Variants in CORO1C observed in about 807,000 individuals in gnomAD.
CORO1C encodes coronin 1C, also known as coronin-1C.
CORO1C carries 14 observed loss-of-function variants against 51.2 expected under a neutral mutation model. That is an observed-to-expected ratio of 0.27 (90% confidence interval 0.18 to 0.43). The LOEUF (loss-of-function observed/expected upper bound fraction) is 0.43. Ranked by LOEUF, CORO1C falls within the 20% of genes least tolerant of loss-of-function variation. CORO1C has a pLI of 1.00. For synonymous variants in CORO1C, 181 were observed against 210.5 expected (o/e 0.86, Z 1.21); for missense variants, 417 against 607.8 (o/e 0.69, Z 3.30).
At chr12:108,728,835 A>G (rs1421262629) in intron 1 of CORO1C, among the ~76,000 whole-genome samples, 1 of 152,242 alleles carries the variant, frequency 6.6e-6, no homozygotes, top group Admixed American at 6.5e-5. Context: ...AAGACATACA[A>G]GTGTCAGAAA....
At chr12:108,669,373 A>G (rs2033623144) in intron 3 of CORO1C, among the ~76,000 whole-genome samples, 2 of 152,324 alleles carry the variant, frequency 1.3e-5, no homozygotes, top group Admixed American at 1.3e-4. Flanking sequence ...GCTGCTAGGA[A>G]TCCACTATAG....
intron 7 of CORO1C, among the ~76,000 whole-genome samples, chr12:108,653,471 C>T (rs922343494): frequency 2.0e-5 from 3 of 152,122 alleles, no homozygotes; most frequent in Non-Finnish European, 4.4e-5. Context: ...AGCTTTACCA[C>T]CCAGTGAAGG....
At chr12:108,678,690 T>C (rs2033997842) in intron 2 of CORO1C, among the ~76,000 whole-genome samples, 1 of 146,020 alleles carries the variant, frequency 6.8e-6, no homozygotes, top group African/African-American at 2.5e-5. Flanking sequence ...AATAGCCAAA[T>C]TGTAAATTAA....
intron 2 of CORO1C, 127 bp downstream of exon 2, chr12:108,700,997 T>C (rs1394781037): frequency 1.9e-6 from 2 of 1,071,766 alleles, no homozygotes; most frequent in South Asian, 1.4e-5. Context: ...GTGTGGAACT[T>C]AACTTCAATT....
rs529747139 is a variant in CORO1C, at chr12:108,657,620, T to G, written c.631-197A>C. Among the ~76,000 whole-genome samples, 46 of 152,330 alleles carry G rather than the reference T, an allele frequency of 3.0e-4. 1 individual carries two copies. The highest frequency in any genetic ancestry group is 1.8e-3 in the Admixed American group (27 of 15,296). On this transcript the variant is annotated intron_variant, in intron 5 of 10. Transcript: ENST00000261401. ...ATGTGATCTGGTCAAGGTCCCTCTG[T>G]GAGGCTGCAAGAATGCCAGGATTTA...
intron 2 of CORO1C, among the ~76,000 whole-genome samples, chr12:108,682,023 AAGAG>A (rs893716086): frequency 6.6e-6 from 1 of 152,004 alleles, no homozygotes; most frequent in Non-Finnish European, 1.5e-5. Context: ...ACTAAAAGGA[AAGAG>A]AGAGAATGTA....
chr12:108,682,946 T>G (rs1463423015), intron 2 of CORO1C, among the ~76,000 whole-genome samples: 3 of 152,140 alleles, frequency 2.0e-5, no homozygotes, highest in Non-Finnish European at 2.9e-5. Context: ...GATAACAGAA[T>G]GAAAGTTAAA....
At chr12:108,708,648 G>C (rs538273561) in intron 1 of CORO1C, among the ~76,000 whole-genome samples, 21 of 152,206 alleles carry the variant, frequency 1.4e-4, no homozygotes, top group African/African-American at 4.6e-4. Context: ...TTTTAGTAGA[G>C]ACAGGGTTTC....
chr12:108,652,664 A>G (rs538820581), intron 7 of CORO1C, among the ~76,000 whole-genome samples: 1 of 152,320 alleles, frequency 6.6e-6, no homozygotes, highest in African/African-American at 2.4e-5. Context: ...TCCTGGCTCT[A>G]ATTTTACTCC....
intron 3 of CORO1C, among the ~76,000 whole-genome samples, chr12:108,674,406 G>A (rs545821090): frequency 7.2e-5 from 11 of 152,144 alleles, no homozygotes; most frequent in Admixed American, 7.2e-4. Flanking sequence ...AAATTAGCCG[G>A]GCATGGTGGC....
At chr12:108,657,204 T>C in intron 6 of CORO1C, 100 bp downstream of exon 6, 1 of 1,465,958 alleles carries the variant, frequency 6.8e-7, no homozygotes, top group East Asian at 2.4e-5. Context: ...TTTAGAAAAC[T>C]ACACTAAGAA....
At chr12:108,669,344 G>A (rs948123181) in intron 3 of CORO1C, among the ~76,000 whole-genome samples, 1 of 152,120 alleles carries the variant, frequency 6.6e-6, no homozygotes, top group Non-Finnish European at 1.5e-5. Flanking sequence ...TCTATGAAAT[G>A]TCTATTAAAG....
chr12:108,718,086 G>A (rs2035383453), intron 1 of CORO1C, among the ~76,000 whole-genome samples: 1 of 152,286 alleles, frequency 6.6e-6, no homozygotes, highest in East Asian at 1.9e-4. Flanking sequence ...AGGCCTGGTG[G>A]CTCACGCCTG....
chr12:108,706,339 CGAAA>C (rs1188470376), intron 1 of CORO1C, among the ~76,000 whole-genome samples: 3 of 152,090 alleles, frequency 2.0e-5, no homozygotes, highest in Non-Finnish European at 2.9e-5. Flanking sequence ...TATTCAATGG[CGAAA>C]GATGCCTTCT....
At chr12:108,662,271 A>G (rs1324308681) in intron 3 of CORO1C, 113 bp from the exon 4 acceptor site, 4 of 861,450 alleles carry the variant, frequency 4.6e-6, no homozygotes, top group Non-Finnish European at 7.4e-6. Flanking sequence ...ACATAGAGTG[A>G]TATCTGGATG....
At chr12:108,668,168 G>A (rs1333331709) in intron 3 of CORO1C, among the ~76,000 whole-genome samples, 1 of 152,242 alleles carries the variant, frequency 6.6e-6, no homozygotes, top group Middle Eastern at 3.2e-3. Flanking sequence ...TGTGGTAGCA[G>A]CTGCAGACCA....
chr12:108,683,618 TGAATAATCTA>T (rs1376901722), intron 2 of CORO1C, among the ~76,000 whole-genome samples: 2 of 152,094 alleles, frequency 1.3e-5, no homozygotes, highest in Admixed American at 6.5e-5. Context: ...TATATAAAAT[TGAATAATCTA>T]GATGAAATAC....
At chr12:108,657,953 T>C (rs1173211315) in intron 5 of CORO1C, among the ~76,000 whole-genome samples, 1 of 152,232 alleles carries the variant, frequency 6.6e-6, no homozygotes, top group East Asian at 1.9e-4. Context: ...CACCAGCTAC[T>C]ATCATTGCCC....
At chr12:108,661,619 G>C (rs2033266546) in intron 4 of CORO1C, among the ~76,000 whole-genome samples, 1 of 152,184 alleles carries the variant, frequency 6.6e-6, no homozygotes, top group African/African-American at 2.4e-5. Context: ...TTCTTTAAAA[G>C]GAAGGAGTGT....
Sources: gnomAD v4.1 joint callset for allele counts (sites outside exome capture counted in the v4.1 genomes callset) on GRCh38, gnomAD v4.1.1 for gene constraint, MANE v1.5 for transcripts, NCBI Gene and HGNC (gene_info 2026-07-23, HGNC 2026-07-21) for gene names.